The following CMTM8 variants were observed in gnomAD, a reference collection of about 807,000 sequenced individuals.
The protein encoded by CMTM8 is CKLF like MARVEL transmembrane domain containing 8, also known as CKLF-like MARVEL transmembrane domain-containing protein 8.
A neutral mutation model predicts 18.6 loss-of-function variants in CMTM8; 12 were observed. The observed-to-expected ratio is 0.65, with a 90% CI of 0.41 to 1.05. The LOEUF (loss-of-function observed/expected upper bound fraction) is 1.05. Ranked by LOEUF, CMTM8 falls within the 50% of genes least tolerant of loss-of-function variation. The probability of loss-of-function intolerance (pLI) is 0.00; values close to 1 mark genes in which losing one functional copy is unlikely to be tolerated. For missense variants in CMTM8, 217 were observed against 227.2 expected (o/e 0.95, Z 0.29); for synonymous variants, 87 against 90.6 (o/e 0.96, Z 0.23).
At chr3:32,286,180 A>G (rs1702683026) in intron 1 of CMTM8, among the ~76,000 whole-genome samples, 1 of 152,246 alleles carries the variant, frequency 6.6e-6, no homozygotes, top group Non-Finnish European at 1.5e-5. Context: ...ACTGTAGCAC[A>G]AACGCAGCCA....
At chr3:32,301,962 A>C (rs879290374) in intron 1 of CMTM8, among the ~76,000 whole-genome samples, 1 of 152,092 alleles carries the variant, frequency 6.6e-6, no homozygotes, top group East Asian at 1.9e-4. Flanking sequence ...TTTTGCAACA[A>C]AAATAGAATA....
intron 1 of CMTM8, among the ~76,000 whole-genome samples, chr3:32,330,509 G>A (rs1696253490): frequency 6.6e-6 from 1 of 152,068 alleles, no homozygotes; most frequent in African/African-American, 2.4e-5. Flanking sequence ...TGTTTTATAT[G>A]TATATAAAAC....
chr3:32,334,280 A>G (rs1244066970), intron 1 of CMTM8, among the ~76,000 whole-genome samples: 1 of 151,424 alleles, frequency 6.6e-6, no homozygotes, highest in African/African-American at 2.4e-5. Flanking sequence ...ACCTGGCCCA[A>G]TCAATTTTCT....
chr3:32,288,425 C>T (rs916786284), intron 1 of CMTM8, among the ~76,000 whole-genome samples: 1 of 152,150 alleles, frequency 6.6e-6, no homozygotes, highest in African/African-American at 2.4e-5. Flanking sequence ...GCACTACAGG[C>T]ACCCACCACA....
chr3:32,244,288 C>T (rs1387655919), intron 1 of CMTM8, among the ~76,000 whole-genome samples: 2 of 152,146 alleles, frequency 1.3e-5, no homozygotes, highest in Non-Finnish European at 2.9e-5. Flanking sequence ...CTCCTGGGCT[C>T]GAACAGTCCT....
At chr3:32,258,249 A>G (rs913755634) in intron 1 of CMTM8, among the ~76,000 whole-genome samples, 1 of 152,142 alleles carries the variant, frequency 6.6e-6, no homozygotes, top group Admixed American at 6.5e-5. Context: ...AGTGCCTTCC[A>G]GGAAGTTCTC....
intron 1 of CMTM8, among the ~76,000 whole-genome samples, chr3:32,337,282 G>C (rs6776830): frequency 0.16 from 23,814 of 152,092 alleles, 2,280 homozygotes; most frequent in African/African-American, 0.28. Context: ...AGTGTTGACA[G>C]AAGTAAGTAA....
chr3:32,293,789 G>A (rs931607719), intron 1 of CMTM8, among the ~76,000 whole-genome samples: 1 of 152,230 alleles, frequency 6.6e-6, no homozygotes, highest in African/African-American at 2.4e-5. Context: ...AGGTTGCTGT[G>A]AGCTGATATT....
chr3:32,254,377 G>C (rs550685137), intron 1 of CMTM8, among the ~76,000 whole-genome samples: 2 of 152,004 alleles, frequency 1.3e-5, no homozygotes, highest in East Asian at 3.9e-4. Context: ...TTGTCATCTT[G>C]TTATAAGTAC....
chr3:32,272,900 G>T (rs73067573), intron 1 of CMTM8, among the ~76,000 whole-genome samples: 1,642 of 152,112 alleles, frequency 0.011, 14 homozygotes, highest in Non-Finnish European at 0.016. Flanking sequence ...CCTTTGCTTT[G>T]TCTCCCACCA....
chr3:32,252,244 C>T (rs1486812400), intron 1 of CMTM8, among the ~76,000 whole-genome samples: 1 of 152,158 alleles, frequency 6.6e-6, no homozygotes, highest in Non-Finnish European at 1.5e-5. Context: ...TTTCTTAACC[C>T]TATCTTGTTC....
chr3:32,295,466 AAAAAAAAAAAAAC>A (rs1179879717), intron 1 of CMTM8, among the ~76,000 whole-genome samples: 14 of 140,606 alleles, frequency 1.0e-4, no homozygotes, highest in Non-Finnish European at 2.1e-4. Context: ...AAAAAAAAAA[AAAAAAAAAAAAAC>A]AAAACAAAAC....
chr3:32,323,777 C>T (rs898199731), intron 1 of CMTM8, among the ~76,000 whole-genome samples: 20 of 152,244 alleles, frequency 1.3e-4, no homozygotes, highest in African/African-American at 4.8e-4. Flanking sequence ...TCTGCCTCTA[C>T]TTGCCTGCTT....
At position 32,261,971 on chromosome 3, in the gene CMTM8, G is replaced by A. The variant is rs1307471174; in HGVS notation, c.147+22852G>A. 2.6e-5 allele frequency among the ~76,000 whole-genome samples: 4 copies of A among 152,222 alleles called. No individual in the cohort carries two copies. In the South Asian group the frequency reaches 6.2e-4, roughly 24 times the overall value. ...GCAAGGGATTTATTATGCATCATTA[G>A]TTGGCTTCCAAAATTTTTGGTAGGG... On this transcript the variant is annotated intron_variant, in intron 1 of 3. Coordinates refer to ENST00000307526, the MANE Select transcript of CMTM8 (RefSeq NM_178868.5).
At chr3:32,297,460 G>A (rs749356118) in intron 1 of CMTM8, among the ~76,000 whole-genome samples, 6 of 152,212 alleles carry the variant, frequency 3.9e-5, no homozygotes, top group Non-Finnish European at 8.8e-5. Context: ...GATTACAGGC[G>A]TGAGCCACCG....
At chr3:32,296,698 C>T (rs1405270934) in intron 1 of CMTM8, among the ~76,000 whole-genome samples, 2 of 152,196 alleles carry the variant, frequency 1.3e-5, no homozygotes, top group African/African-American at 4.8e-5. Context: ...AGGAATGGCA[C>T]CCCTTAGGGT....
At chr3:32,295,757 G>A (rs2125559420) in intron 1 of CMTM8, among the ~76,000 whole-genome samples, 1 of 152,104 alleles carries the variant, frequency 6.6e-6, no homozygotes, top group South Asian at 2.1e-4. Flanking sequence ...GCTCCTCATG[G>A]CCTCCGGGCT....
intron 1 of CMTM8, among the ~76,000 whole-genome samples, chr3:32,242,599 A>G (rs1270121324): frequency 6.6e-6 from 1 of 152,088 alleles, no homozygotes; most frequent in Non-Finnish European, 1.5e-5. Context: ...AAGTTCTGGG[A>G]TTATAGGCAT....
intron 1 of CMTM8, chr3:32,259,132 G>A (rs1217265689): frequency 2.7e-5 from 11 of 411,686 alleles, no homozygotes; most frequent in East Asian, 1.1e-4. Flanking sequence ...CATGGGGTCC[G>A]GGGACCTGGC....
Sources: gnomAD v4.1 joint callset for allele counts (sites outside exome capture counted in the v4.1 genomes callset) on GRCh38, gnomAD v4.1.1 for gene constraint, MANE v1.5 for transcripts, NCBI Gene and HGNC (gene_info 2026-07-23, HGNC 2026-07-21) for gene names.